The following ATXN2 variants were observed in gnomAD, a reference collection of about 807,000 sequenced individuals.
ATXN2 encodes ataxin 2, also known as ataxin-2.
A neutral mutation model predicts 138.6 loss-of-function variants in ATXN2; 37 were observed. The observed-to-expected ratio is 0.27, with a 90% confidence interval of 0.21 to 0.35. The LOEUF (loss-of-function observed/expected upper bound fraction) is 0.35, where lower values mean the gene tolerates loss of function less well. Among genes scored for constraint, ATXN2 ranks in the 10% least tolerant of loss-of-function variants. ATXN2 has a pLI of 1.00. For synonymous variants in ATXN2, 549 were observed against 543.7 expected (o/e 1.01, Z -0.13); for missense variants, 1,216 against 1,480.3 (o/e 0.82, Z 2.93).
At chr12:111,574,561 G>A (rs1015818038) in intron 1 of ATXN2, among the ~76,000 whole-genome samples, 5 of 151,894 alleles carry the variant, frequency 3.3e-5, no homozygotes, top group African/African-American at 1.2e-4. Flanking sequence ...CCAAGTAGCT[G>A]AGACTATACG....
At chr12:111,500,734 G>A (rs1054063831) in intron 14 of ATXN2, among the ~76,000 whole-genome samples, 1 of 152,250 alleles carries the variant, frequency 6.6e-6, no homozygotes, top group Non-Finnish European at 1.5e-5. Flanking sequence ...TTAGCTGGGC[G>A]TGGTGGCACG....
intron 3 of ATXN2, 54 bp from the exon 4 acceptor site, chr12:111,553,031 G>T: frequency 8.3e-7 from 1 of 1,197,652 alleles, no homozygotes; most frequent in Non-Finnish European, 1.2e-6. Flanking sequence ...CGGTCACCAG[G>T]GATATTTGTT....
intron 18 of ATXN2, among the ~76,000 whole-genome samples, chr12:111,478,669 AC>A (rs1876997348): frequency 6.6e-6 from 1 of 152,196 alleles, no homozygotes; most frequent in African/African-American, 2.4e-5. Flanking sequence ...ATGTAAAATG[AC>A]ACAATCACTT....
At chr12:111,545,359 G>A (rs1341103331) in intron 5 of ATXN2, among the ~76,000 whole-genome samples, 1 of 152,010 alleles carries the variant, frequency 6.6e-6, no homozygotes, top group East Asian at 1.9e-4. Context: ...CACTTTGGGA[G>A]GCTGAGGCAG....
intron 14 of ATXN2, among the ~76,000 whole-genome samples, chr12:111,494,797 C>T (rs191269509): frequency 6.4e-4 from 97 of 151,908 alleles, no homozygotes; most frequent in Non-Finnish European, 1.2e-3. Context: ...TAAAACATAC[C>T]ACCAGAGAAA....
rs534882805 is a variant in ATXN2 at position 111,535,115 on chromosome 12, G to GACCC, written c.572-9803_572-9800dup. 2.8e-3 allele frequency among the ~76,000 whole-genome samples: 421 copies of GACCC among 152,286 alleles called. 4 individuals carry two copies. The highest frequency in any genetic ancestry group is 9.6e-3 in the African/African-American group (398 of 41,548). ...CATTCTAGTAGGGGTGACAGAGAGA[G>GACCC]ACCCTTTCTCAACAAATAAATACAT... On this transcript the variant is annotated intron_variant, in intron 5 of 24. Transcript: ENST00000673436.
At position 111,525,198 on chromosome 12, in the gene ATXN2, A is replaced by G. The variant is rs964948161; in HGVS notation, c.690T>C (p.Asn230=). 5.0e-6 allele frequency: 8 copies of G among 1,610,114 alleles called. No individual in the cohort carries two copies. In the African/African-American group the frequency reaches 9.4e-5, roughly 19 times the overall value. ...TTACAAAGATGTTACTTACTACGTCATTTTCCAAAGCCTCAAGTTCCTCAT... is the reference window on the plus strand; with the variant it reads ...TTACAAAGATGTTACTTACTACGTCGTTTTCCAAAGCCTCAAGTTCCTCAT... ...TANEELEALE[N]DVSNGWDPND... Residue 230 remains asparagine (N), a synonymous_variant, in exon 6 of 25, where the codon AAT becomes AAC. Transcript: ENST00000673436.
chr12:111,582,539 T>TA (rs983888012), intron 1 of ATXN2, among the ~76,000 whole-genome samples: 1 of 151,870 alleles, frequency 6.6e-6, no homozygotes, highest in African/African-American at 2.4e-5. Flanking sequence ...ACCCAGGAGT[T>TA]AAAGGCTGCA....
intron 21 of ATXN2, among the ~76,000 whole-genome samples, chr12:111,459,691 C>T (rs926185835): frequency 1.3e-4 from 20 of 151,754 alleles, no homozygotes; most frequent in Non-Finnish European, 2.4e-4. Context: ...CCATCCGCCT[C>T]GGCCTCCCAA....
chr12:111,467,529 C>G (rs952234855), intron 20 of ATXN2, among the ~76,000 whole-genome samples: 2 of 152,006 alleles, frequency 1.3e-5, no homozygotes, highest in African/African-American at 4.8e-5. Flanking sequence ...AACAAGTCCA[C>G]AGCCTTGCTC....
chr12:111,533,601 T>C (rs543746758), intron 5 of ATXN2, among the ~76,000 whole-genome samples: 2 of 152,096 alleles, frequency 1.3e-5, no homozygotes, highest in Admixed American at 6.6e-5. Context: ...TCTCAGCTCA[T>C]GGAAACCTCT....
chr12:111,497,519 T>C (rs1878494557), intron 14 of ATXN2, among the ~76,000 whole-genome samples: 1 of 152,004 alleles, frequency 6.6e-6, no homozygotes. Context: ...AAAAGATCAT[T>C]CATCATGACT....
chr12:111,562,357 G>C (rs980296142), intron 1 of ATXN2, among the ~76,000 whole-genome samples: 1 of 152,080 alleles, frequency 6.6e-6, no homozygotes, highest in Non-Finnish European at 1.5e-5. Context: ...AGGAGTTTGA[G>C]GCTGCAGTGA....
At chr12:111,574,308 C>CAAA (rs997437123) in intron 1 of ATXN2, among the ~76,000 whole-genome samples, 20 of 32,518 alleles carry the variant, frequency 6.2e-4, no homozygotes, top group East Asian at 4.7e-3. Flanking sequence ...ACTCTGTCTC[C>CAAA]AAAAAAAAAA....
At chr12:111,499,922 C>A (rs767830456) in intron 14 of ATXN2, among the ~76,000 whole-genome samples, 5 of 152,196 alleles carry the variant, frequency 3.3e-5, no homozygotes, top group Admixed American at 2.0e-4. Flanking sequence ...TATCATCTCA[C>A]CCCAGTTAAA....
chr12:111,505,124 A>T (rs1160971009), intron 14 of ATXN2, among the ~76,000 whole-genome samples: 1 of 152,140 alleles, frequency 6.6e-6, no homozygotes, highest in Admixed American at 6.5e-5. Flanking sequence ...CCAGCTACTC[A>T]TTTGAGCCCA....
At chr12:111,503,446 AT>A (rs1387395428) in intron 14 of ATXN2, among the ~76,000 whole-genome samples, 1 of 152,238 alleles carries the variant, frequency 6.6e-6, no homozygotes, top group Non-Finnish European at 1.5e-5. Context: ...AAGATTTAAC[AT>A]ACAAGCATGA....
intron 5 of ATXN2, among the ~76,000 whole-genome samples, chr12:111,534,211 G>C (rs1881010870): frequency 6.6e-6 from 1 of 151,994 alleles, no homozygotes; most frequent in Non-Finnish European, 1.5e-5. Context: ...ACCAACCTGG[G>C]CAACACGGCA....
At chr12:111,557,485 T>C (rs1398339728) in intron 1 of ATXN2, among the ~76,000 whole-genome samples, 3 of 152,218 alleles carry the variant, frequency 2.0e-5, no homozygotes, top group Non-Finnish European at 4.4e-5. Flanking sequence ...ATATGACTAA[T>C]AATTTATCTT....
Sources: gnomAD v4.1 joint callset for allele counts (sites outside exome capture counted in the v4.1 genomes callset) on GRCh38, gnomAD v4.1.1 for gene constraint, MANE v1.5 for transcripts, NCBI Gene and HGNC (gene_info 2026-07-23, HGNC 2026-07-21) for gene names.